The following TRIM22 variants were observed in gnomAD, a reference collection of about 807,000 sequenced individuals.
The protein encoded by TRIM22 is tripartite motif containing 22, also known as E3 ubiquitin-protein ligase TRIM22.
In TRIM22, 45 loss-of-function variants were observed where a neutral mutation model predicts 53.6. That is an observed-to-expected ratio of 0.84 (90% CI 0.66 to 1.08). The LOEUF (loss-of-function observed/expected upper bound fraction) is 1.08, where lower values mean the gene tolerates loss of function less well. Among genes scored for constraint, TRIM22 ranks in the 50% least tolerant of loss-of-function variants. The pLI is 0.00. For missense variants in TRIM22, 616 were observed against 590.9 expected (o/e 1.04, Z -0.44); for synonymous variants, 225 against 216.6 (o/e 1.04, Z -0.34).
At chr11:5,690,374 G>A (rs1441770031) in intron 1 of TRIM22, among the ~76,000 whole-genome samples, 3 of 152,068 alleles carry the variant, frequency 2.0e-5, no homozygotes, top group Non-Finnish European at 4.4e-5. Context: ...GGCTGGAGTC[G>A]GCCACACAAT....
chr11:5,696,755 T>C (rs1590313171), intron 2 of TRIM22, 100 bp downstream of exon 2: 4 of 1,275,696 alleles, frequency 3.1e-6, no homozygotes, highest in South Asian at 1.5e-5. Context: ...CTTGTCACCA[T>C]AGAACGGAGA....
At chr11:5,698,568 T>A in intron 4 of TRIM22, 23 bp downstream of exon 4, 1 of 1,577,654 alleles carries the variant, frequency 6.3e-7, no homozygotes, top group Non-Finnish European at 8.7e-7. Flanking sequence ...ATGGAGCACC[T>A]ACGTAAGAGA....
At chr11:5,701,378 GCTGT>G (rs1853370824) in intron 4 of TRIM22, among the ~76,000 whole-genome samples, 5 of 152,100 alleles carry the variant, frequency 3.3e-5, no homozygotes, top group Admixed American at 1.3e-4. Flanking sequence ...GAGTATTACA[GCTGT>G]CTGTTACTGA....
rs540271356 is a variant in TRIM22 at position 5,701,953 on chromosome 11, T to C, written c.750+3408T>C. Among the ~76,000 whole-genome samples, 13 of 152,054 alleles carry C rather than the reference T, an allele frequency of 8.5e-5. No homozygotes were observed. In the South Asian group the frequency reaches 2.3e-3, roughly 27 times the overall value. On this transcript the variant is annotated intron_variant, in intron 4 of 7. Coordinates refer to ENST00000379965, the MANE Select transcript of TRIM22 (RefSeq NM_006074.5). Reference sequence around the variant, plus strand: ...ACCGTACTTGCTCTTTGCTTTTTTTTCCCTTCCTCTCTTTTTCTGCCCTCT... The same window carrying C: ...ACCGTACTTGCTCTTTGCTTTTTTTCCCCTTCCTCTCTTTTTCTGCCCTCT...
intron 4 of TRIM22, among the ~76,000 whole-genome samples, chr11:5,700,584 CTTTTTTTT>C (rs756680023): frequency 3.3e-5 from 1 of 29,926 alleles, no homozygotes; most frequent in Non-Finnish European, 6.5e-5. Context: ...CTATAGGAGT[CTTTTTTTT>C]TTTTTTTTTT....
intron 1 of TRIM22, among the ~76,000 whole-genome samples, chr11:5,695,404 G>A (rs943645877): frequency 2.6e-5 from 4 of 151,804 alleles, no homozygotes; most frequent in Non-Finnish European, 2.9e-5. Flanking sequence ...TTTTACATGG[G>A]GAAAAAAGTC....
chr11:5,696,595 G>A lies in TRIM22; in HGVS notation c.363G>A (p.Leu121=). 1.2e-6 allele frequency: 2 copies of A among 1,613,956 alleles called. No homozygotes were observed. The highest frequency in any genetic ancestry group is 1.3e-5 in the African/African-American group (1 of 75,062). ...AAGTCATTTGCTGGGTTTGTGAACTGTCTCAGGAACACCAAGGTCACCAAA... is the reference window on the plus strand; with the variant it reads ...AAGTCATTTGCTGGGTTTGTGAACTATCTCAGGAACACCAAGGTCACCAAA... ...DGKVICWVCE[L]SQEHQGHQTF... is the part of the protein sequence containing the mutation. The change falls in exon 2 of 8, where the codon CTG becomes CTA. Residue 121 remains leucine (L), a synonymous_variant. Coordinates refer to ENST00000379965, the MANE Select transcript of TRIM22 (RefSeq NM_006074.5).
At position 5,700,406 on chromosome 11, in the gene TRIM22, C is replaced by T. The variant is rs185086067; in HGVS notation, c.750+1861C>T. Among the ~76,000 whole-genome samples, 372 of 152,006 alleles carry T rather than the reference C, an allele frequency of 2.4e-3. 2 individuals carry two copies. Among genetic ancestry groups the T allele is most frequent in the South Asian group, 1.9e-3 (9 of 4,816 alleles). ...CTAGGATTAAAGGCGTGAGCCACCGCGCCTGGCCAGCAGTTTGTATAGTTT... is the reference window on the plus strand; with the variant it reads ...CTAGGATTAAAGGCGTGAGCCACCGTGCCTGGCCAGCAGTTTGTATAGTTT... On this transcript the variant is annotated intron_variant, in intron 4 of 7. Coordinates refer to ENST00000379965, the MANE Select transcript of TRIM22 (RefSeq NM_006074.5).
chr11:5,706,209 T>C (rs1337051440), intron 4 of TRIM22, among the ~76,000 whole-genome samples: 11 of 152,186 alleles, frequency 7.2e-5, no homozygotes, highest in Admixed American at 7.2e-4. Context: ...TTGAAGCATC[T>C]TCCTAACACC....
At chr11:5,699,670 G>C (rs1853336368) in intron 4 of TRIM22, among the ~76,000 whole-genome samples, 2 of 141,706 alleles carry the variant, frequency 1.4e-5, no homozygotes, top group South Asian at 4.5e-4. Context: ...CTTATAAAAA[G>C]CAATATAAAA....
intron 4 of TRIM22, among the ~76,000 whole-genome samples, chr11:5,699,049 G>C (rs1436476603): frequency 6.6e-6 from 1 of 152,050 alleles, no homozygotes. Context: ...TCAGCATTTT[G>C]CTCTTATTGC....
At chr11:5,700,768 C>T (rs780293210) in intron 4 of TRIM22, among the ~76,000 whole-genome samples, 6 of 151,352 alleles carry the variant, frequency 4.0e-5, no homozygotes, top group South Asian at 2.1e-4. Flanking sequence ...GACTGCAGGC[C>T]GCCCACCACC....
chr11:5,698,265 A>G (rs774638531), intron 3 of TRIM22, 50 bp from the exon 4 acceptor site: 2 of 1,474,206 alleles, frequency 1.4e-6, no homozygotes. Context: ...CATACAAAGC[A>G]GGCCTTCAAC....
intron 4 of TRIM22, among the ~76,000 whole-genome samples, chr11:5,704,895 G>A (rs1342348892): frequency 6.6e-6 from 1 of 152,218 alleles, no homozygotes; most frequent in Non-Finnish European, 1.5e-5. Flanking sequence ...AGAGGTGGCA[G>A]AGAGCTGAGG....
chr11:5,695,810 G>A (rs1383508429), intron 1 of TRIM22, among the ~76,000 whole-genome samples: 1 of 152,120 alleles, frequency 6.6e-6, no homozygotes, highest in Admixed American at 6.5e-5. Context: ...CAGGGGCAGG[G>A]GTGTGTTTAG....
intron 4 of TRIM22, among the ~76,000 whole-genome samples, chr11:5,704,654 A>G (rs141586835): frequency 8.6e-4 from 130 of 151,990 alleles, no homozygotes; most frequent in Middle Eastern, 3.4e-3. Context: ...AGATCTGTTT[A>G]TTTATTTTTT....
rs1245372734 is a variant in TRIM22 at position 5,709,398 on chromosome 11, G to A, written c.1247G>A (p.Cys416Tyr). 1.2e-6 allele frequency: 2 copies of A among 1,614,184 alleles called. No homozygotes were observed. The highest frequency in any genetic ancestry group is 1.7e-6 in the Non-Finnish European group (2 of 1,180,026). ...GYWVIGLQNT[C>Y]EYNAFEDSSS... ...TGGGTTATAGGATTACAGAATACAT[G>A]TGAATATAATGCTTTTGAGGACTCC... Residue 416 changes from cysteine to tyrosine, a missense_variant, in exon 8 of 8, where the codon TGT (cysteine) becomes TAT (tyrosine). Cys to Tyr is a radical substitution (Grantham distance 194). Transcript: ENST00000379965.
intron 4 of TRIM22, 83 bp downstream of exon 4, chr11:5,698,628 G>A (rs2134176143): frequency 8.7e-7 from 1 of 1,146,852 alleles, no homozygotes; most frequent in Non-Finnish European, 1.3e-6. Flanking sequence ...CAGTCTCTAG[G>A]CTTTCTTCTG....
rs545297133 is a variant in TRIM22 at position 5,710,426 on chromosome 11, A to G, written c.*778A>G. 1 of 152,252 alleles carries G rather than the reference A, an allele frequency of 6.6e-6. No individual in the cohort carries two copies. Among genetic ancestry groups the G allele is most frequent in the Non-Finnish European group, 1.5e-5 (1 of 68,042 alleles). The allele number at this position is 152,252 out of a possible 1,614,324, so 9.4% of individuals were successfully genotyped here. ...ATATCCACGTTATCTAGCAAAGTAC[A>G]TAAGAATCTATCACTAAGTAATGTA... On this transcript the variant is annotated 3_prime_UTR_variant, in exon 8 of 8. Coordinates refer to ENST00000379965, the MANE Select transcript of TRIM22 (RefSeq NM_006074.5).
Sources: gnomAD v4.1 joint callset for allele counts (sites outside exome capture counted in the v4.1 genomes callset) on GRCh38, gnomAD v4.1.1 for gene constraint, MANE v1.5 for transcripts, NCBI Gene and HGNC (gene_info 2026-07-23, HGNC 2026-07-21) for gene names.